The following COL26A1 variants were observed in gnomAD, a reference collection of about 807,000 sequenced individuals.
COL26A1 encodes collagen alpha-1(XXVI) chain.
Under a neutral mutation model 59.3 loss-of-function variants are expected in COL26A1, and 41 were observed. The ratio of observed to expected loss-of-function variants is 0.69; its 90% confidence interval spans 0.54 to 0.90. COL26A1 has a LOEUF of 0.90. Among genes scored for constraint, COL26A1 ranks in the 40% least tolerant of loss-of-function variants. The probability of loss-of-function intolerance (pLI) is 0.00; values close to 1 mark genes in which losing one functional copy is unlikely to be tolerated. For synonymous variants in COL26A1, 266 were observed against 256.0 expected (o/e 1.04, Z -0.37); for missense variants, 612 against 602.3 (o/e 1.02, Z -0.17).
intron 3 of COL26A1, among the ~76,000 whole-genome samples, chr7:101,497,213 G>C (rs1357845881): frequency 6.6e-6 from 1 of 152,086 alleles, no homozygotes; most frequent in Non-Finnish European, 1.5e-5. Flanking sequence ...ACTCCATCCT[G>C]GTGGACAAGA....
At chr7:101,390,184 G>A (rs75564721) in intron 1 of COL26A1, among the ~76,000 whole-genome samples, 3 of 100,396 alleles carry the variant, frequency 3.0e-5, no homozygotes, top group East Asian at 3.5e-4. Flanking sequence ...TTGAGACAAA[G>A]TCTCATTCTG....
intron 3 of COL26A1, among the ~76,000 whole-genome samples, chr7:101,502,740 G>A (rs1207599707): frequency 1.3e-5 from 2 of 152,240 alleles, no homozygotes; most frequent in African/African-American, 4.8e-5. Flanking sequence ...CAGCCCATGG[G>A]AGTCTCAGCT....
At chr7:101,485,261 A>C (rs1376495966) in intron 3 of COL26A1, among the ~76,000 whole-genome samples, 1 of 152,216 alleles carries the variant, frequency 6.6e-6, no homozygotes, top group Non-Finnish European at 1.5e-5. Flanking sequence ...GCCGGTGCTG[A>C]GAGGTGATGC....
At chr7:101,392,514 G>A (rs1479645850) in intron 1 of COL26A1, among the ~76,000 whole-genome samples, 1 of 148,760 alleles carries the variant, frequency 6.7e-6, no homozygotes, top group Non-Finnish European at 1.5e-5. Context: ...CAATTCTCCT[G>A]CCTCAGCCTC....
At chr7:101,381,160 G>T (rs1343786109) in intron 1 of COL26A1, among the ~76,000 whole-genome samples, 1 of 152,174 alleles carries the variant, frequency 6.6e-6, no homozygotes, top group Admixed American at 6.5e-5. Context: ...TAAAATCAAG[G>T]TATTTACAGG....
At chr7:101,462,966 G>A (rs189598158) in intron 3 of COL26A1, among the ~76,000 whole-genome samples, 132 of 152,272 alleles carry the variant, frequency 8.7e-4, no homozygotes, top group African/African-American at 3.2e-3. Context: ...AAAAAGGAAA[G>A]GGGCCCAAGA....
At chr7:101,543,908 C>CG (rs1363364506) in intron 5 of COL26A1, 90 bp from the exon 6 acceptor site, 2 of 888,140 alleles carry the variant, frequency 2.3e-6, no homozygotes, top group African/African-American at 3.4e-5. Flanking sequence ...CCTGGGGGAA[C>CG]GTAGGCTGAC....
chr7:101,536,948 G>A (rs1396187248), intron 4 of COL26A1, among the ~76,000 whole-genome samples: 5 of 152,206 alleles, frequency 3.3e-5, no homozygotes, highest in East Asian at 1.9e-4. Context: ...GACTCCTTAC[G>A]TTTCATGAGC....
chr7:101,478,939 T>G (rs1014444933), intron 3 of COL26A1, among the ~76,000 whole-genome samples: 1 of 152,280 alleles, frequency 6.6e-6, no homozygotes, highest in Non-Finnish European at 1.5e-5. Flanking sequence ...TTGACTCTTT[T>G]GCCTCTCATT....
chr7:101,440,702 A>G (rs560481486), intron 2 of COL26A1, among the ~76,000 whole-genome samples: 79 of 152,318 alleles, frequency 5.2e-4, no homozygotes, highest in African/African-American at 1.8e-3. Flanking sequence ...GCGGTGGCTC[A>G]TGCCTGTAAT....
intron 2 of COL26A1, 49 bp from the exon 3 acceptor site, chr7:101,447,635 A>G: frequency 8.6e-7 from 1 of 1,159,522 alleles, no homozygotes; most frequent in Non-Finnish European, 1.2e-6. Context: ...TGGGGTCTGG[A>G]GGTGGGTGGG....
chr7:101,455,499 T>A (rs1793447326), intron 3 of COL26A1, among the ~76,000 whole-genome samples: 1 of 119,006 alleles, frequency 8.4e-6, no homozygotes, highest in Non-Finnish European at 1.8e-5. Flanking sequence ...GTTTCTTTTC[T>A]TTTCTTTTTT....
At chr7:101,410,711 G>GTT (rs1792224000) in intron 1 of COL26A1, among the ~76,000 whole-genome samples, 1 of 146,278 alleles carries the variant, frequency 6.8e-6, no homozygotes, top group Non-Finnish European at 1.5e-5. Context: ...GTGTGTGTGT[G>GTT]TTTTGAGACG....
At chr7:101,490,402 T>C (rs1415919891) in intron 3 of COL26A1, among the ~76,000 whole-genome samples, 1 of 150,712 alleles carries the variant, frequency 6.6e-6, no homozygotes, top group Non-Finnish European at 1.5e-5. Flanking sequence ...GGGCGGCCCA[T>C]GATAAAGCAG....
chr7:101,536,432 C>T (rs754465577), intron 4 of COL26A1, among the ~76,000 whole-genome samples: 3 of 152,196 alleles, frequency 2.0e-5, no homozygotes, highest in Non-Finnish European at 4.4e-5. Flanking sequence ...GAGGCCATGC[C>T]GAGGTCAGGC....
At chr7:101,408,641 C>A (rs975436542) in intron 1 of COL26A1, among the ~76,000 whole-genome samples, 2 of 152,212 alleles carry the variant, frequency 1.3e-5, no homozygotes, top group African/African-American at 2.4e-5. Context: ...GAGGCCACAA[C>A]TCTGTTGACT....
At chr7:101,407,384 G>A (rs1475514839) in intron 1 of COL26A1, among the ~76,000 whole-genome samples, 1 of 152,018 alleles carries the variant, frequency 6.6e-6, no homozygotes, top group Non-Finnish European at 1.5e-5. Flanking sequence ...GAGAGGGCAG[G>A]TCTGAGCCTG....
At chr7:101,545,283 G>T in intron 6 of COL26A1, 55 bp from the exon 7 acceptor site, 1 of 1,490,056 alleles carries the variant, frequency 6.7e-7, no homozygotes, top group Non-Finnish European at 8.9e-7. Flanking sequence ...TTTGTAAGTT[G>T]CAGCCACCCG....
Position 101,388,273 on chromosome 7 carries a change from GAC to G in COL26A1, c.158+25084_158+25085del, listed in dbSNP as rs577555441. ...GGATCACCTGAGGTCAGGAGTTCAA[GAC>G]CAGCCTGGCCAACATGGTGAAACCC... On this transcript the variant is annotated intron_variant, in intron 1 of 12. Coordinates refer to ENST00000313669, the MANE Select transcript of COL26A1 (RefSeq NM_001278563.3). Among the ~76,000 whole-genome samples the G allele has an allele frequency of 2.3e-3, 355 of 151,636 alleles. 1 individual carries two copies. The highest frequency in any genetic ancestry group is 8.3e-3 in the African/African-American group (343 of 41,430).
Sources: gnomAD v4.1 joint callset for allele counts (sites outside exome capture counted in the v4.1 genomes callset) on GRCh38, gnomAD v4.1.1 for gene constraint, MANE v1.5 for transcripts, NCBI Gene and HGNC (gene_info 2026-07-23, HGNC 2026-07-21) for gene names.